The following ABCG2 variants were observed in gnomAD, a reference collection of about 807,000 sequenced individuals.
The protein encoded by ABCG2 is broad substrate specificity ATP-binding cassette transporter ABCG2.
A neutral mutation model predicts 73.5 loss-of-function variants in ABCG2; 80 were observed. The observed-to-expected ratio is 1.09, with a 90% CI of 0.91 to 1.31. The LOEUF is 1.31. ABCG2 is among the 50% of genes most tolerant of loss of function. ABCG2 has a pLI of 0.00. For synonymous variants in ABCG2, 269 were observed against 282.4 expected (o/e 0.95, Z 0.48); for missense variants, 796 against 786.2 (o/e 1.01, Z -0.15).
chr4:88,139,917 C>G lies in ABCG2; in HGVS notation c.79G>C (p.Asp27His), dbSNP rs987146842. 6.2e-7 allele frequency: 1 copy of G among 1,614,104 alleles called. No homozygotes were observed. The highest frequency in any genetic ancestry group is 1.1e-5 in the South Asian group (1 of 91,064). Residue 27 changes from aspartate (D) to histidine (H), a missense_variant, in exon 2 of 16, where the codon GAC (aspartate) becomes CAC (histidine). Coordinates refer to ENST00000237612, the MANE Select transcript of ABCG2 (RefSeq NM_004827.3). Reference protein sequence around the residue: ...TNGFPATASNDLKAFTEGAVL... With the variant: ...TNGFPATASNHLKAFTEGAVL... ...GCTCCTTCAGTAAATGCCTTCAGGT[C>G]ATTGGAAGCTGTCGCGGGGAAGCCA...
chr4:88,163,427 A>G (rs1727391670), upstream of ABCG2, among the ~76,000 whole-genome samples: 1 of 152,246 alleles, frequency 6.6e-6, no homozygotes, highest in African/African-American at 2.4e-5. Context: ...GTGCATGCCA[A>G]GAGGACAAGC....
At chr4:88,113,673 A>T in intron 8 of ABCG2, 120 bp from the exon 9 acceptor site, 1 of 1,331,230 alleles carries the variant, frequency 7.5e-7, no homozygotes, top group Non-Finnish European at 1.0e-6. Context: ...CTTTAGAAAG[A>T]AAAAATAGGC....
intron 1 of ABCG2, among the ~76,000 whole-genome samples, chr4:88,200,019 C>T (rs1409966172): frequency 6.6e-6 from 1 of 151,818 alleles, no homozygotes; most frequent in Non-Finnish European, 1.5e-5. Flanking sequence ...AGTTATTTTA[C>T]TTTATTTTAT....
intron 1 of ABCG2, among the ~76,000 whole-genome samples, chr4:88,201,234 G>C (rs1487980994): frequency 2.8e-5 from 4 of 145,264 alleles, no homozygotes; most frequent in Non-Finnish European, 6.0e-5. Flanking sequence ...AAAGAGAGAG[G>C]ACATAATCAC....
At chr4:88,174,419 T>G (rs1166556978) in intron 1 of ABCG2, among the ~76,000 whole-genome samples, 1 of 152,132 alleles carries the variant, frequency 6.6e-6, no homozygotes, top group Non-Finnish European at 1.5e-5. Context: ...AAACATGCAG[T>G]GTTTGGTTTT....
In ABCG2 at chr4:88,181,398, C is replaced by CAAAAAAAAAA. The variant is rs57417105; in HGVS notation, c.-19-41394_-19-41385dup. Among the ~76,000 whole-genome samples the CAAAAAAAAAA allele has an allele frequency of 2.0e-3, 190 of 96,808 alleles. 1 individual carries two copies. The highest frequency in any genetic ancestry group is 4.6e-3 in the African/African-American group (94 of 20,358). 63.5% of individuals were successfully genotyped at this position (96,808 alleles called of 152,430 possible). ...CTGGTGACAGAGCAAGACTCCATCT[C>CAAAAAAAAAA]AAAAAAAAAAAAAAAAAAAAAAAAA... On this transcript the variant is annotated intron_variant, in intron 1 of 15. Transcript: ENST00000515655.
rs142968221 is a variant in ABCG2, at chr4:88,112,812, C to A, written c.1194+491G>T. Among the ~76,000 whole-genome samples the A allele has an allele frequency of 3.3e-5, 5 of 152,134 alleles. No individual in the cohort carries two copies. In the East Asian group the frequency reaches 7.7e-4, roughly 24 times the overall value. On this transcript the variant is annotated intron_variant, in intron 9 of 15. Transcript: ENST00000237612. ...CTGAGTTAGGTAGTCTAAGAAACCA[C>A]TAAAAAAAAGAACCTGGCCAGATGT...
chr4:88,212,118 T>G (rs1051698227), intron 1 of ABCG2, among the ~76,000 whole-genome samples: 1 of 152,174 alleles, frequency 6.6e-6, no homozygotes, highest in Non-Finnish European at 1.5e-5. Flanking sequence ...TAGCTTTAGG[T>G]GAAAACCAAA....
chr4:88,211,358 G>GCCCCCCCCCCTCC (rs1264405228), intron 1 of ABCG2, among the ~76,000 whole-genome samples: 1 of 33,648 alleles, frequency 3.0e-5, no homozygotes. Flanking sequence ...TTCAACCCCT[G>GCCCCCCCCCCTCC]CCCCACCCCC....
chr4:88,140,696 G>T (rs974123125), intron 1 of ABCG2, among the ~76,000 whole-genome samples: 1 of 152,092 alleles, frequency 6.6e-6, no homozygotes, highest in Non-Finnish European at 1.5e-5. Context: ...ATCAAAAGGG[G>T]CTTAGCCAAG....
intron 10 of ABCG2, among the ~76,000 whole-genome samples, chr4:88,105,969 GA>G (rs1289407048): frequency 6.6e-6 from 1 of 152,166 alleles, no homozygotes; most frequent in African/African-American, 2.4e-5. Flanking sequence ...AGGATATGGA[GA>G]AACTGGAACC....
At chr4:88,167,683 G>A (rs117968956) in intron 1 of ABCG2, among the ~76,000 whole-genome samples, 1 of 151,914 alleles carries the variant, frequency 6.6e-6, no homozygotes, top group East Asian at 1.9e-4. Context: ...GGCTCTTTCT[G>A]CCTTTTAAAG....
intron 1 of ABCG2, among the ~76,000 whole-genome samples, chr4:88,218,532 T>C (rs1729894676): frequency 6.6e-6 from 1 of 152,216 alleles, no homozygotes; most frequent in African/African-American, 2.4e-5. Flanking sequence ...TGTGAAGTTT[T>C]GGTGTACCCA....
rs1578219566 is a variant in ABCG2 at position 88,139,810 on chromosome 4, T to C, written c.186A>G (p.Glu62=). The change falls in exon 2 of 16, where the codon GAA becomes GAG. Residue 62 remains glutamate (E), a synonymous_variant. Coordinates refer to ENST00000237612, the MANE Select transcript of ABCG2 (RefSeq NM_004827.3). ...FLPCRKPVEK[E]ILSNINGIMK... ...GTACATACTTGATATTCGATAATAT[T>C]TCTTTCTCAACTGGTTTTCGACAAG... The C allele has an allele frequency of 6.2e-7, 1 of 1,613,896 alleles. No homozygotes were observed. Among genetic ancestry groups the C allele is most frequent in the African/African-American group, 1.3e-5 (1 of 75,050 alleles).
At chr4:88,093,570 C>T (rs888891909) in intron 15 of ABCG2, among the ~76,000 whole-genome samples, 3 of 151,376 alleles carry the variant, frequency 2.0e-5, no homozygotes, top group Admixed American at 6.6e-5. Flanking sequence ...CCTCATCTTC[C>T]GTTACCATGA....
intron 1 of ABCG2, among the ~76,000 whole-genome samples, chr4:88,212,531 A>G (rs1033336703): frequency 1.3e-5 from 2 of 152,194 alleles, no homozygotes; most frequent in Non-Finnish European, 2.9e-5. Context: ...ATGTACTTGC[A>G]GGTCATGCCA....
intron 5 of ABCG2, among the ~76,000 whole-genome samples, chr4:88,123,324 A>G (rs1293568016): frequency 6.6e-6 from 1 of 152,142 alleles, no homozygotes; most frequent in Non-Finnish European, 1.5e-5. Context: ...TGATGAATAG[A>G]CAGAAGTAGG....
chr4:88,099,000 G>A (rs1488232507), intron 12 of ABCG2, among the ~76,000 whole-genome samples: 1 of 152,108 alleles, frequency 6.6e-6, no homozygotes, highest in Non-Finnish European at 1.5e-5. Flanking sequence ...AGAGGCTGAG[G>A]TAGGAGGATC....
At chr4:88,114,929 A>G in intron 8 of ABCG2, 28 bp downstream of exon 8, 1 of 1,533,002 alleles carries the variant, frequency 6.5e-7, no homozygotes, top group Admixed American at 1.8e-5. Flanking sequence ...ATTAGGCAAA[A>G]ATCTGGGACT....
Sources: gnomAD v4.1 joint callset for allele counts (sites outside exome capture counted in the v4.1 genomes callset) on GRCh38, gnomAD v4.1.1 for gene constraint, MANE v1.5 for transcripts, NCBI Gene and HGNC (gene_info 2026-07-23, HGNC 2026-07-21) for gene names.